The following FGF2 variants were observed in gnomAD, a reference collection of about 807,000 sequenced individuals.
FGF2 encodes the protein fibroblast growth factor 2, also known as basic fibroblast growth factor bFGF.
Under a neutral mutation model 15.9 loss-of-function variants are expected in FGF2, and 13 were observed. That is an observed-to-expected ratio of 0.82 (90% CI 0.53 to 1.30). FGF2 has a LOEUF of 1.30. FGF2 is among the 50% of genes most tolerant of loss of function. FGF2 has a pLI of 0.00. For missense variants in FGF2, 163 were observed against 196.9 expected (o/e 0.83, Z 1.03); for synonymous variants, 90 against 78.4 (o/e 1.15, Z -0.78).
Position 122,893,146 on chromosome 4 carries a change from C to G in FGF2, c.*750C>G, listed in dbSNP as rs938922060. On this transcript the variant is annotated 3_prime_UTR_variant, in exon 3 of 3. Coordinates refer to ENST00000644866, the MANE Select transcript of FGF2 (RefSeq NM_001361665.2). ...TCCCAAAAGCTCCAGGATTTGTGTG[C>G]TGTTGCCGAATACTCAGGACGGACC... The G allele has an allele frequency of 2.5e-6, 4 of 1,614,154 alleles. No homozygotes were observed. The highest frequency in any genetic ancestry group is 3.4e-6 in the Non-Finnish European group (4 of 1,180,022).
chr4:122,827,161 G>T lies in FGF2; in HGVS notation c.-14G>T. 1 of 1,496,724 alleles carries T rather than the reference G, an allele frequency of 6.7e-7. No individual in the cohort carries two copies. Among genetic ancestry groups the T allele is most frequent in the Non-Finnish European group, 8.9e-7 (1 of 1,124,394 alleles). 92.7% of individuals were successfully genotyped at this position (1,496,724 alleles called of 1,614,324 possible). On this transcript the variant is annotated 5_prime_UTR_variant, in exon 1 of 3. Coordinates refer to ENST00000644866, the MANE Select transcript of FGF2 (RefSeq NM_001361665.2). The surrounding 1 kb of genome is among the most constrained non-coding windows in gnomAD (Gnocchi z 4.2). The stretch of plus-strand genomic sequence containing the variant: ...CCAGCGGCTCGGGGATCCCGGCCGG[G>T]CCCCGCAGGGACCATGGCAGCCGGG...
At chr4:122,846,513 T>C (rs1420688226) in intron 1 of FGF2, among the ~76,000 whole-genome samples, 1 of 152,202 alleles carries the variant, frequency 6.6e-6, no homozygotes, top group Non-Finnish European at 1.5e-5. Flanking sequence ...AAGGAAACTA[T>C]TGAATAATGC....
intron 2 of FGF2, among the ~76,000 whole-genome samples, chr4:122,877,091 T>C (rs1726865947): frequency 6.6e-6 from 1 of 151,916 alleles, no homozygotes; most frequent in Non-Finnish European, 1.5e-5. Flanking sequence ...TTTACATATA[T>C]GTCAGGAGAG....
At chr4:122,871,235 C>T (rs1340795120) in intron 1 of FGF2, among the ~76,000 whole-genome samples, 3 of 152,052 alleles carry the variant, frequency 2.0e-5, no homozygotes, top group Non-Finnish European at 2.9e-5. Flanking sequence ...TGTTTTACTT[C>T]CAAATACGTG....
intron 1 of FGF2, among the ~76,000 whole-genome samples, chr4:122,837,644 G>C (rs141877345): frequency 6.6e-6 from 1 of 152,104 alleles, no homozygotes; most frequent in East Asian, 1.9e-4. Context: ...TTTGGAGATG[G>C]GGTGTGTGTG....
intron 1 of FGF2, among the ~76,000 whole-genome samples, chr4:122,842,220 C>T (rs1726002697): frequency 6.6e-6 from 1 of 152,124 alleles, no homozygotes; most frequent in African/African-American, 2.4e-5. Flanking sequence ...CCTGCCTCAA[C>T]GATGTATGGA....
chr4:122,872,329 A>G (rs2150782127), intron 1 of FGF2, among the ~76,000 whole-genome samples: 1 of 152,302 alleles, frequency 6.6e-6, no homozygotes, highest in South Asian at 2.1e-4. Context: ...TAGAGAAGAA[A>G]GAATGTGAAG....
intron 2 of FGF2, among the ~76,000 whole-genome samples, chr4:122,886,143 ACTCCT>A (rs1727054760): frequency 6.6e-6 from 1 of 150,950 alleles, no homozygotes; most frequent in Non-Finnish European, 1.5e-5. Flanking sequence ...TTGGTCTCGA[ACTCCT>A]GGGCTCAAGA....
rs1727164228 is a variant in FGF2, at chr4:122,891,020, TC to T, written c.283-1190del. ...GTGAAGTTGCTTTTTGAACAATTTA[TC>T]TTTTTTTTTTTTTTGTTTTGTTTTG... On this transcript the variant is annotated intron_variant, in intron 2 of 2. Coordinates refer to ENST00000644866, the MANE Select transcript of FGF2 (RefSeq NM_001361665.2). Among the ~76,000 whole-genome samples, 4 of 128,124 alleles carry T rather than the reference TC, an allele frequency of 3.1e-5. No individual in the cohort carries two copies. In the South Asian group the frequency reaches 1.4e-3, roughly 45 times the overall value. 84.1% of individuals were successfully genotyped at this position (128,124 alleles called of 152,430 possible).
At chr4:122,837,685 C>T (rs1218471947) in intron 1 of FGF2, among the ~76,000 whole-genome samples, 1 of 151,874 alleles carries the variant, frequency 6.6e-6, no homozygotes, top group East Asian at 1.9e-4. Flanking sequence ...GTCATTTACT[C>T]ACTGGCTGGA....
intron 1 of FGF2, among the ~76,000 whole-genome samples, chr4:122,859,606 G>C (rs1726419125): frequency 6.6e-6 from 1 of 151,788 alleles, no homozygotes; most frequent in Non-Finnish European, 1.5e-5. Context: ...CAACATATTT[G>C]AGTGCTATAT....
intron 1 of FGF2, among the ~76,000 whole-genome samples, chr4:122,850,496 A>T (rs762701514): frequency 1.3e-5 from 2 of 152,078 alleles, no homozygotes; most frequent in Non-Finnish European, 2.9e-5. Context: ...TAGATGTCTG[A>T]TTTTTTTCTT....
At chr4:122,861,582 T>C (rs1202984293) in intron 1 of FGF2, among the ~76,000 whole-genome samples, 1 of 152,084 alleles carries the variant, frequency 6.6e-6, no homozygotes, top group Non-Finnish European at 1.5e-5. Context: ...CCGTATTTGT[T>C]ACCTTCTGTC....
intron 2 of FGF2, chr4:122,884,615 G>A (rs1727021909): frequency 6.6e-6 from 1 of 152,164 alleles, no homozygotes; most frequent in Admixed American, 6.5e-5. Flanking sequence ...ATTCTCAGAA[G>A]TGGTATAAGC....
chr4:122,856,084 AT>A, intron 1 of FGF2, among the ~76,000 whole-genome samples: 1 of 152,302 alleles, frequency 6.6e-6, no homozygotes, highest in South Asian at 2.1e-4. Context: ...AGAAAAAAAA[AT>A]TTTCAAATAG....
chr4:122,886,856 G>A (rs1258771957), intron 2 of FGF2, among the ~76,000 whole-genome samples: 1 of 152,108 alleles, frequency 6.6e-6, no homozygotes, highest in Non-Finnish European at 1.5e-5. Context: ...TTAGAGAATG[G>A]TATTAGAAAC....
chr4:122,846,069 AC>A (rs1726103746), intron 1 of FGF2, among the ~76,000 whole-genome samples: 1 of 152,186 alleles, frequency 6.6e-6, no homozygotes. Context: ...AATTGGCCTA[AC>A]TTTAATATTG....
intron 2 of FGF2, among the ~76,000 whole-genome samples, chr4:122,891,262 G>T (rs1031106024): frequency 9.2e-5 from 14 of 151,572 alleles, no homozygotes; most frequent in Non-Finnish European, 8.8e-5. Context: ...AGATGGTCTC[G>T]ATCTCCTGAC....
chr4:122,879,667 T>G (rs1726922748), intron 2 of FGF2, among the ~76,000 whole-genome samples: 2 of 152,158 alleles, frequency 1.3e-5, no homozygotes, highest in Non-Finnish European at 2.9e-5. Context: ...TTAATTGGAC[T>G]TACAGTTCCA....
Sources: allele counts gnomAD v4.1 joint callset (sites outside exome capture counted in the v4.1 genomes callset), GRCh38; gene constraint gnomAD v4.1.1; non-coding constraint Gnocchi (gnomAD v3.1); transcripts MANE v1.5; gene names NCBI Gene and HGNC (gene_info 2026-07-23, HGNC 2026-07-21).